Variants in GRID2 observed in about 807,000 individuals in gnomAD.
The protein encoded by GRID2 is glutamate receptor ionotropic, delta-2.
In GRID2, 33 loss-of-function variants were observed where a neutral mutation model predicts 114.8. The observed-to-expected ratio is 0.29, with a 90% confidence interval of 0.22 to 0.38. The LOEUF (loss-of-function observed/expected upper bound fraction) is 0.38. Ranked by LOEUF, GRID2 falls within the 10% of genes least tolerant of loss-of-function variation. The pLI, the probability that GRID2 is intolerant of heterozygous loss-of-function variation, is 1.00. For synonymous variants in GRID2, 505 were observed against 449.9 expected, an observed-to-expected ratio of 1.12 and a Z score of -1.55; for missense variants, 1,184 against 1,257.7, an observed-to-expected ratio of 0.94 and a Z score of 0.89.
At chr4:93,376,364 A>C (rs1230643784) in intron 8 of GRID2, among the ~76,000 whole-genome samples, 1 of 152,186 alleles carries the variant, frequency 6.6e-6, no homozygotes, top group Non-Finnish European at 1.5e-5. Flanking sequence ...AGATTTACCA[A>C]TTTGCAAATA....
chr4:92,331,443 A>G (rs1726885653), intron 1 of GRID2, among the ~76,000 whole-genome samples: 1 of 152,142 alleles, frequency 6.6e-6, no homozygotes, highest in Non-Finnish European at 1.5e-5. Context: ...TGCCTTACAT[A>G]TTTTGCTGCT....
intron 1 of GRID2, among the ~76,000 whole-genome samples, chr4:92,573,824 A>G (rs1727743044): frequency 6.6e-6 from 1 of 152,072 alleles, no homozygotes. Flanking sequence ...GATATCTATC[A>G]GGTCAACTTG....
At chr4:93,002,635 C>G (rs911952028) in intron 2 of GRID2, among the ~76,000 whole-genome samples, 1 of 151,286 alleles carries the variant, frequency 6.6e-6, no homozygotes, top group Non-Finnish European at 1.5e-5. Context: ...TTCTATTTTT[C>G]CCCCCGGTAC....
intron 1 of GRID2, among the ~76,000 whole-genome samples, chr4:92,397,342 A>ATG (rs58085283): frequency 0.032 from 4,603 of 142,688 alleles, 81 homozygotes; most frequent in African/African-American, 0.047. Flanking sequence ...GTGTGTTTGT[A>ATG]TGTGTGTGTG....
At chr4:93,021,241 A>G (rs965079397) in intron 2 of GRID2, among the ~76,000 whole-genome samples, 9 of 151,682 alleles carry the variant, frequency 5.9e-5, no homozygotes, top group African/African-American at 1.9e-4. Context: ...TGCATCTTAT[A>G]TACTCTTTGT....
chr4:92,801,200 C>A (rs2149372150), intron 2 of GRID2, among the ~76,000 whole-genome samples: 1 of 152,146 alleles, frequency 6.6e-6, no homozygotes, highest in Non-Finnish European at 1.5e-5. Flanking sequence ...ACTACGGGCT[C>A]TTCCAGCTGT....
intron 13 of GRID2, among the ~76,000 whole-genome samples, chr4:93,625,797 C>T (rs895561580): frequency 9.9e-5 from 15 of 152,100 alleles, no homozygotes; most frequent in Middle Eastern, 3.4e-3. Context: ...CGCCTGTAGT[C>T]CCAGCTACTC....
chr4:92,629,080 G>GA (rs1480492593), intron 2 of GRID2, among the ~76,000 whole-genome samples: 1 of 151,508 alleles, frequency 6.6e-6, no homozygotes, highest in African/African-American at 2.4e-5. Flanking sequence ...AGTTAATAGT[G>GA]AAAAAACGAT....
intron 4 of GRID2, among the ~76,000 whole-genome samples, chr4:93,114,737 C>G (rs939430131): frequency 1.3e-5 from 2 of 152,096 alleles, no homozygotes; most frequent in African/African-American, 4.8e-5. Context: ...TAGGCTGACC[C>G]TATTAGTGCT....
At chr4:92,899,711 A>G (rs981056619) in intron 2 of GRID2, among the ~76,000 whole-genome samples, 2 of 152,234 alleles carry the variant, frequency 1.3e-5, no homozygotes, top group Non-Finnish European at 2.9e-5. Context: ...GAAAGCCATC[A>G]ATAAACAATA....
At chr4:93,177,844 T>C (rs1323014326) in intron 4 of GRID2, among the ~76,000 whole-genome samples, 1 of 152,162 alleles carries the variant, frequency 6.6e-6, no homozygotes, top group Non-Finnish European at 1.5e-5. Context: ...GCAAACATTT[T>C]ATAAGTACAG....
intron 1 of GRID2, among the ~76,000 whole-genome samples, chr4:92,350,393 C>T (rs1370383234): frequency 1.3e-5 from 2 of 151,880 alleles, no homozygotes; most frequent in South Asian, 4.1e-4. Flanking sequence ...AGATAGTGTG[C>T]TCTTCAATGT....
intron 2 of GRID2, among the ~76,000 whole-genome samples, chr4:92,939,168 T>G (rs1020244048): frequency 2.0e-5 from 3 of 147,488 alleles, no homozygotes; most frequent in East Asian, 2.2e-4. Context: ...TGAACTAGTT[T>G]ACAGTCCCAC....
intron 14 of GRID2, among the ~76,000 whole-genome samples, chr4:93,652,972 A>G (rs1264937681): frequency 6.6e-6 from 1 of 152,074 alleles, no homozygotes; most frequent in Non-Finnish European, 1.5e-5. Context: ...TTCAGACTCA[A>G]TCCTGAGCAT....
chr4:93,164,584 C>G lies in GRID2; in HGVS notation c.736-42820C>G, dbSNP rs955514746. 6 of 193,302 alleles carry G rather than the reference C, an allele frequency of 3.1e-5. 1 individual carries two copies. In the South Asian group the frequency reaches 4.2e-4, roughly 13 times the overall value. 12.0% of individuals were successfully genotyped at this position (193,302 alleles called of 1,614,324 possible). A position where few individuals can be genotyped will look rare whatever the true frequency, so the allele number is the denominator to read the frequency against. ...TCTAGAAATAAGTTTATTGAGAAGT[C>G]AGCTGTTTTTAGGCTCTATGTTGAC... On this transcript the variant is annotated intron_variant, in intron 4 of 15. Coordinates refer to ENST00000282020, the MANE Select transcript of GRID2 (RefSeq NM_001510.4).
chr4:93,023,165 T>A (rs966361459), intron 2 of GRID2, among the ~76,000 whole-genome samples: 1 of 151,276 alleles, frequency 6.6e-6, no homozygotes, highest in Non-Finnish European at 1.5e-5. Context: ...ATTGGGCATG[T>A]ATCTTTGGAT....
chr4:92,841,996 C>T (rs1343054714), intron 2 of GRID2, among the ~76,000 whole-genome samples: 1 of 152,078 alleles, frequency 6.6e-6, no homozygotes, highest in Admixed American at 6.6e-5. Flanking sequence ...TGCAATGCTT[C>T]TGGAGAAGTT....
intron 8 of GRID2, chr4:93,302,697 A>G (rs1205249299): frequency 3.1e-5 from 13 of 420,950 alleles, no homozygotes; most frequent in Middle Eastern, 4.3e-4. Flanking sequence ...TACTTTATTG[A>G]AAGTGGCTAT....
At chr4:92,706,700 G>A (rs1180809852) in intron 2 of GRID2, among the ~76,000 whole-genome samples, 1 of 152,064 alleles carries the variant, frequency 6.6e-6, no homozygotes, top group African/African-American at 2.4e-5. Flanking sequence ...GAGCTCAATA[G>A]GAAAACCTGT....
Sources: allele counts gnomAD v4.1 joint callset (sites outside exome capture counted in the v4.1 genomes callset), GRCh38; gene constraint gnomAD v4.1.1; transcripts MANE v1.5; gene names NCBI Gene and HGNC (gene_info 2026-07-23, HGNC 2026-07-21).